The following ATP2C2 variants were observed in gnomAD, a reference collection of about 807,000 sequenced individuals.
ATP2C2 encodes ATPase secretory pathway Ca2+ transporting 2, also known as calcium-transporting ATPase type 2C member 2.
Under a neutral mutation model 110.8 loss-of-function variants are expected in ATP2C2, and 171 were observed. The observed-to-expected ratio is 1.54, with a 90% confidence interval of 1.36 to 1.75. ATP2C2 has a LOEUF of 1.75. Among genes scored for constraint, ATP2C2 ranks in the 40% most tolerant of loss-of-function variants. The pLI is 0.00. For missense variants in ATP2C2, 1,963 were observed against 1,235.0 expected (o/e 1.59, Z -8.84); for synonymous variants, 804 against 508.4 (o/e 1.58, Z -7.82).
chr16:84,448,591 C>T lies in ATP2C2; in HGVS notation c.1562C>T (p.Thr521Ile). 6.2e-7 allele frequency: 1 copy of T among 1,614,044 alleles called. No individual in the cohort carries two copies. Among genetic ancestry groups the T allele is most frequent in the East Asian group, 2.2e-5 (1 of 44,872 alleles). The change falls in exon 17 of 27, where the codon ACC becomes ATC. Residue 521 changes from threonine to isoleucine, a missense_variant. Coordinates refer to ENST00000262429, the MANE Select transcript of ATP2C2 (RefSeq NM_014861.4). ...GALEEVIRYC[T>I]MYNNGGIPLP... The stretch of plus-strand genomic sequence containing the variant: ...TTGGAAGAGGTGATCCGCTACTGCA[C>T]CATGTACAACAACGGGGGCATCCCC...
intron 11 of ATP2C2, among the ~76,000 whole-genome samples, chr16:84,438,531 T>A (rs1272172978): frequency 1.3e-5 from 2 of 152,168 alleles, no homozygotes; most frequent in African/African-American, 4.8e-5. Flanking sequence ...TCAGCTTGGG[T>A]CACACGCTCT....
At chr16:84,446,301 C>T (rs1909742106) in intron 15 of ATP2C2, 28 bp from the exon 16 acceptor site, 2 of 1,431,174 alleles carry the variant, frequency 1.4e-6, no homozygotes, top group Non-Finnish European at 9.6e-7. Flanking sequence ...GGATGACTCA[C>T]TAAAAATGTG....
At chr16:84,462,462 G>A (rs983387593) in intron 26 of ATP2C2, 8 of 224,898 alleles carry the variant, frequency 3.6e-5, no homozygotes, top group Admixed American at 1.5e-4. Context: ...CAGCCTGGGA[G>A]GTACCCCAGC....
At chr16:84,376,427 G>A (rs1445315208) in intron 1 of ATP2C2, among the ~76,000 whole-genome samples, 1 of 152,170 alleles carries the variant, frequency 6.6e-6, no homozygotes, top group Non-Finnish European at 1.5e-5. Context: ...GATTACTACT[G>A]GGTGAGTGTA....
At chr16:84,431,894 G>C (rs564245423) in intron 11 of ATP2C2, among the ~76,000 whole-genome samples, 3 of 152,144 alleles carry the variant, frequency 2.0e-5, no homozygotes, top group East Asian at 1.9e-4. Flanking sequence ...TTACAGAAGC[G>C]GGGGCTGGGA....
intron 21 of ATP2C2, 114 bp from the exon 22 acceptor site, chr16:84,459,006 C>T (rs115332632): frequency 2.6e-6 from 3 of 1,168,354 alleles, no homozygotes; most frequent in African/African-American, 1.5e-5. Flanking sequence ...CCAGCAGGGG[C>T]CCAAGTATAA....
intron 24 of ATP2C2, chr16:84,461,068 GT>G: frequency 2.2e-6 from 1 of 446,090 alleles, no homozygotes; most frequent in East Asian, 3.8e-5. Context: ...GAGTTGAAAT[GT>G]ACATGAGGAC....
At chr16:84,430,363 G>A (rs578081690) in intron 11 of ATP2C2, among the ~76,000 whole-genome samples, 2 of 152,146 alleles carry the variant, frequency 1.3e-5, no homozygotes, top group South Asian at 2.1e-4. Flanking sequence ...GTTCTGGGCC[G>A]GGTGCGGTGG....
At chr16:84,449,130 C>G (rs559083283) in intron 17 of ATP2C2, among the ~76,000 whole-genome samples, 6 of 152,348 alleles carry the variant, frequency 3.9e-5, no homozygotes, top group Admixed American at 6.5e-5. Flanking sequence ...TCTCACATTT[C>G]CCTTGGTGTC....
At chr16:84,384,402 C>T (rs933169224) in intron 1 of ATP2C2, among the ~76,000 whole-genome samples, 9 of 152,280 alleles carry the variant, frequency 5.9e-5, no homozygotes, top group African/African-American at 2.2e-4. Context: ...GCTCAGGTTA[C>T]GCGCTTCTGG....
intron 2 of ATP2C2, among the ~76,000 whole-genome samples, chr16:84,403,303 C>G (rs1210063508): frequency 1.3e-5 from 2 of 152,240 alleles, no homozygotes; most frequent in East Asian, 3.9e-4. Flanking sequence ...AATTTACCAT[C>G]TTAACCTTGT....
chr16:84,419,069 C>A (rs529637068), intron 7 of ATP2C2, among the ~76,000 whole-genome samples: 14 of 151,750 alleles, frequency 9.2e-5, no homozygotes, highest in African/African-American at 3.1e-4. Context: ...ATTAGCCAGG[C>A]GTGGTGGCGT....
intron 1 of ATP2C2, among the ~76,000 whole-genome samples, chr16:84,392,104 A>C (rs1365275034): frequency 6.6e-6 from 1 of 151,214 alleles, no homozygotes; most frequent in African/African-American, 2.4e-5. Context: ...GCAGAAATAG[A>C]CAGAATAATG....
intron 9 of ATP2C2, 88 bp from the exon 10 acceptor site, chr16:84,423,100 T>C: frequency 8.6e-7 from 1 of 1,161,380 alleles, no homozygotes; most frequent in Non-Finnish European, 1.3e-6. Flanking sequence ...TCACTGAAGC[T>C]GTAGGATGGC....
intron 11 of ATP2C2, among the ~76,000 whole-genome samples, chr16:84,434,981 G>A (rs113132880): frequency 1.3e-5 from 2 of 152,322 alleles, no homozygotes; most frequent in Admixed American, 6.5e-5. Context: ...TAAAACCAAC[G>A]AAGCCTTCTG....
chr16:84,411,696 C>T (rs574214142), intron 6 of ATP2C2, among the ~76,000 whole-genome samples: 1 of 152,312 alleles, frequency 6.6e-6, no homozygotes, highest in South Asian at 2.1e-4. Context: ...CCTGCCTCAG[C>T]CTCCTAAAGT....
intron 11 of ATP2C2, among the ~76,000 whole-genome samples, chr16:84,438,571 A>T (rs1187432900): frequency 6.6e-6 from 1 of 152,204 alleles, no homozygotes; most frequent in East Asian, 1.9e-4. Context: ...TGGTTATGAG[A>T]GAGTGGGGTC....
intron 11 of ATP2C2, among the ~76,000 whole-genome samples, chr16:84,436,786 G>C (rs1347150377): frequency 1.3e-4 from 15 of 114,954 alleles, no homozygotes; most frequent in African/African-American, 4.2e-4. Flanking sequence ...TTTTGAGACA[G>C]ACTTTCACTC....
At chr16:84,448,935 C>A (rs761972203) in intron 17 of ATP2C2, among the ~76,000 whole-genome samples, 1 of 152,190 alleles carries the variant, frequency 6.6e-6, no homozygotes, top group Non-Finnish European at 1.5e-5. Flanking sequence ...TGCTGAGTTT[C>A]CTAAGGCAGG....
Sources: gnomAD v4.1 joint callset for allele counts (sites outside exome capture counted in the v4.1 genomes callset) on GRCh38, gnomAD v4.1.1 for gene constraint, MANE v1.5 for transcripts, NCBI Gene and HGNC (gene_info 2026-07-23, HGNC 2026-07-21) for gene names.